The following TAOK3 variants were observed in gnomAD, a reference collection of about 807,000 sequenced individuals.
TAOK3 encodes the protein TAO kinase 3.
Under a neutral mutation model 120.4 loss-of-function variants are expected in TAOK3, and 40 were observed. The observed-to-expected ratio is 0.33, with a 90% confidence interval of 0.26 to 0.43. TAOK3 has a LOEUF of 0.43. Ranked by LOEUF, TAOK3 falls within the 20% of genes least tolerant of loss-of-function variation. The pLI, the probability that TAOK3 is intolerant of heterozygous loss-of-function variation, is 1.00. For synonymous variants in TAOK3, 355 were observed against 387.5 expected, an observed-to-expected ratio of 0.92 and a Z score of 0.99; for missense variants, 821 against 1,112.1, an observed-to-expected ratio of 0.74 and a Z score of 3.72.
intron 13 of TAOK3, among the ~76,000 whole-genome samples, chr12:118,194,059 A>G (rs2037573555): frequency 6.6e-6 from 1 of 152,210 alleles, no homozygotes; most frequent in Non-Finnish European, 1.5e-5. Context: ...ACAGAATTCA[A>G]ATTTGTATTT....
chr12:118,368,322 G>A (rs566678294), intron 1 of TAOK3, among the ~76,000 whole-genome samples: 1 of 151,868 alleles, frequency 6.6e-6, no homozygotes, highest in African/African-American at 2.4e-5. Flanking sequence ...TCAGCCTCCC[G>A]GGTAGCTGGA....
intron 1 of TAOK3, among the ~76,000 whole-genome samples, chr12:118,287,010 T>C (rs1465042352): frequency 6.6e-6 from 1 of 152,096 alleles, no homozygotes; most frequent in Non-Finnish European, 1.5e-5. Flanking sequence ...AAGTGGGAGC[T>C]AAGCTAAGAG....
At chr12:118,267,670 A>G (rs1277658399) in intron 1 of TAOK3, among the ~76,000 whole-genome samples, 1 of 150,616 alleles carries the variant, frequency 6.6e-6, no homozygotes, top group East Asian at 2.0e-4. Flanking sequence ...GCGGATCACT[A>G]GGTCAGGAGT....
At chr12:118,170,204 G>T (rs910239581) in intron 17 of TAOK3, among the ~76,000 whole-genome samples, 18 of 151,650 alleles carry the variant, frequency 1.2e-4, no homozygotes, top group African/African-American at 4.4e-4. Flanking sequence ...CCTATAAGGA[G>T]GCTTTCTAGG....
intron 2 of TAOK3, 78 bp from the exon 3 acceptor site, chr12:118,255,733 T>G (rs781013789): frequency 1.5e-6 from 1 of 654,584 alleles, no homozygotes; most frequent in East Asian, 2.9e-5. Flanking sequence ...ATACAAATAT[T>G]AAAAGCCTCT....
In TAOK3 at chr12:118,152,374, C is replaced by T; in HGVS notation, c.2388G>A (p.Gln796=). ...CCTGCTGGAGCTGTAGCCTCAAGGC[C>T]TGGCATTCTGCTTCTTGAGCCTCAT... ...RLDEAQEAEC[Q]ALRLQLQQEM... is the part of the protein sequence containing the mutation. Residue 796 remains glutamine (Q), a synonymous_variant, in exon 20 of 21, where the codon CAG becomes CAA. Coordinates refer to ENST00000392533, the MANE Select transcript of TAOK3 (RefSeq NM_016281.4). The T allele has an allele frequency of 1.3e-5, 21 of 1,613,730 alleles. No homozygotes were observed. The highest frequency in any genetic ancestry group is 1.8e-5 in the Non-Finnish European group (21 of 1,179,984).
chr12:118,207,317 ACTC>A (rs1473219062), intron 11 of TAOK3, among the ~76,000 whole-genome samples: 37 of 149,876 alleles, frequency 2.5e-4, no homozygotes, highest in Admixed American at 2.4e-3. Context: ...CAAGAGCGAA[ACTC>A]CGTCTCAGGA....
Position 118,181,612 on chromosome 12 carries a change from A to G in TAOK3, c.1330-5T>C, listed in dbSNP as rs779916211. 2 of 1,613,246 alleles carry G rather than the reference A, an allele frequency of 1.2e-6. No individual in the cohort carries two copies. The highest frequency in any genetic ancestry group is 4.5e-5 in the East Asian group (2 of 44,868). ...CTCATGGATCTGTCGTGTAACCTGA[A>G]TTGGGTTAGGAAACAGAACTCAGGT... On this transcript the variant is annotated splice_region_variant and splice_polypyrimidine_tract_variant and intron_variant, in intron 14 of 20. Coordinates refer to ENST00000392533, the MANE Select transcript of TAOK3 (RefSeq NM_016281.4).
chr12:118,181,287 C>T, intron 15 of TAOK3, 84 bp downstream of exon 15: 1 of 1,214,310 alleles, frequency 8.2e-7, no homozygotes, highest in Non-Finnish European at 1.2e-6. Context: ...CCATCCCCCA[C>T]TCCTGCCTCT....
intron 17 of TAOK3, among the ~76,000 whole-genome samples, chr12:118,164,244 G>A (rs925498637): frequency 2.7e-5 from 4 of 150,780 alleles, no homozygotes; most frequent in Non-Finnish European, 4.4e-5. Flanking sequence ...GGAGAATGGC[G>A]TGAACCCGGG....
chr12:118,164,831 A>G (rs770348559), intron 17 of TAOK3, among the ~76,000 whole-genome samples: 11 of 152,224 alleles, frequency 7.2e-5, no homozygotes, highest in Non-Finnish European at 1.3e-4. Context: ...ACATTTTTAT[A>G]CTGGCGTGGT....
intron 17 of TAOK3, among the ~76,000 whole-genome samples, chr12:118,168,997 C>CT (rs2035803433): frequency 7.9e-6 from 1 of 126,482 alleles, no homozygotes; most frequent in Non-Finnish European, 1.8e-5. Context: ...TCCTTCCTTC[C>CT]TTCCTTTCTT....
chr12:118,194,251 C>A (rs1486207504), intron 13 of TAOK3, among the ~76,000 whole-genome samples: 1 of 152,122 alleles, frequency 6.6e-6, no homozygotes, highest in East Asian at 1.9e-4. Context: ...GCAGACCCAC[C>A]ACTCTCCTTT....
At chr12:118,181,732 T>C (rs2036737282) in intron 14 of TAOK3, 125 bp from the exon 15 acceptor site, 2 of 771,306 alleles carry the variant, frequency 2.6e-6, no homozygotes, top group East Asian at 2.5e-5. Flanking sequence ...ACCTACTGTT[T>C]AGTGAATGCT....
intron 1 of TAOK3, among the ~76,000 whole-genome samples, chr12:118,344,794 T>C (rs1031342177): frequency 2.0e-5 from 3 of 152,210 alleles, no homozygotes; most frequent in African/African-American, 7.2e-5. Context: ...TACTTTATTT[T>C]CTGATAATTA....
In TAOK3 at chr12:118,161,880, G is replaced by C. The variant is rs1225851308; in HGVS notation, c.2047C>G (p.Leu683Val). The C allele has an allele frequency of 6.2e-7, 1 of 1,614,010 alleles. No homozygotes were observed. The highest frequency in any genetic ancestry group is 2.2e-5 in the East Asian group (1 of 44,864). Residue 683 changes from leucine to valine, a missense_variant, in exon 18 of 21, where the codon CTG (leucine) becomes GTG (valine). Transcript: ENST00000392533. The surrounding 1 kb of genome is among the most constrained non-coding windows in gnomAD (Gnocchi z 4.5). ...DLIRLQHQTE[L>V]ENQLEYNKRR... ...TTATTGTACTCCAGCTGGTTTTCCA[G>C]TTCCGTCTGGTGCTGTAAACGGATC... is the stretch of plus-strand genomic sequence containing the variant.
At chr12:118,238,191 A>G in intron 6 of TAOK3, 22 bp from the exon 7 acceptor site, 2 of 1,406,714 alleles carry the variant, frequency 1.4e-6, no homozygotes. Flanking sequence ...AAAAAAAAAA[A>G]GTCAGTAGAT....
chr12:118,164,284 G>A (rs1006262310), intron 17 of TAOK3, among the ~76,000 whole-genome samples: 3 of 151,206 alleles, frequency 2.0e-5, no homozygotes, highest in Admixed American at 2.0e-4. Flanking sequence ...CCAAGATCGC[G>A]CCACTGCACT....
intron 1 of TAOK3, among the ~76,000 whole-genome samples, chr12:118,301,651 C>T (rs1469940637): frequency 6.6e-6 from 1 of 152,006 alleles, no homozygotes; most frequent in African/African-American, 2.4e-5. Context: ...CAAGATCAGC[C>T]TGACCAACAT....
Sources: allele counts gnomAD v4.1 joint callset (sites outside exome capture counted in the v4.1 genomes callset), GRCh38; gene constraint gnomAD v4.1.1; non-coding constraint Gnocchi (gnomAD v3.1); transcripts MANE v1.5; gene names NCBI Gene and HGNC (gene_info 2026-07-23, HGNC 2026-07-21).